LYN: variants seen among roughly 807,000 people sequenced by gnomAD.
The protein encoded by LYN is LYN proto-oncogene, Src family tyrosine kinase.
A neutral mutation model predicts 65.0 loss-of-function variants in LYN; 12 were observed. The observed-to-expected ratio is 0.18, with a 90% confidence interval of 0.12 to 0.30. The LOEUF (loss-of-function observed/expected upper bound fraction) is 0.30, where lower values mean the gene tolerates loss of function less well. Ranked by LOEUF, LYN falls within the 10% of genes least tolerant of loss-of-function variation. LYN has a pLI of 1.00. For missense variants in LYN, 380 were observed against 623.2 expected, an observed-to-expected ratio of 0.61 and a Z score of 4.16; for synonymous variants, 222 against 221.2, an observed-to-expected ratio of 1.00 and a Z score of -0.03.
At chr8:55,953,619 C>T in intron 7 of LYN, among the ~76,000 whole-genome samples, 1 of 151,936 alleles carries the variant, frequency 6.6e-6, no homozygotes. Context: ...TGCACTCCAG[C>T]CTGGGCAATA....
chr8:55,956,762 C>G (rs1279814614), intron 8 of LYN, among the ~76,000 whole-genome samples: 1 of 152,200 alleles, frequency 6.6e-6, no homozygotes, highest in Non-Finnish European at 1.5e-5. Flanking sequence ...GCGTTCTCTT[C>G]CCGGCTTCTC....
At chr8:55,950,912 A>C (rs1463518829) in intron 6 of LYN, 128 bp downstream of exon 6, 3 of 654,536 alleles carry the variant, frequency 4.6e-6, no homozygotes, top group Non-Finnish European at 8.0e-6. Context: ...TTATGGTTTG[A>C]TAACAAATAA....
chr8:55,955,110 C>T (rs1436287538), intron 8 of LYN: 4 of 152,178 alleles, frequency 2.6e-5, no homozygotes, highest in African/African-American at 7.2e-5. Context: ...TCTCCAGCCC[C>T]GGCAGAACAG....
rs1201155628 is a variant in LYN at position 55,946,433 on chromosome 8, A to G, written c.133-15A>G. The G allele has an allele frequency of 4.4e-6, 7 of 1,590,930 alleles. No individual in the cohort carries two copies. The highest frequency in any genetic ancestry group is 1.3e-5 in the African/African-American group (1 of 74,160). ...CTAAACAGAATTTTTTTTTCTAACAAATATTCTCTCGTAGGTTCCAGAATC... is the reference window on the plus strand; with the variant it reads ...CTAAACAGAATTTTTTTTTCTAACAGATATTCTCTCGTAGGTTCCAGAATC... On this transcript the variant is annotated splice_polypyrimidine_tract_variant and intron_variant, in intron 2 of 12. Coordinates refer to ENST00000519728, the MANE Select transcript of LYN (RefSeq NM_002350.4).
intron 1 of LYN, among the ~76,000 whole-genome samples, chr8:55,930,609 A>G (rs1806236898): frequency 6.6e-6 from 1 of 152,178 alleles, no homozygotes; most frequent in South Asian, 2.1e-4. Context: ...GTTAAGAGAA[A>G]CAAAACCAAA....
intron 10 of LYN, among the ~76,000 whole-genome samples, chr8:55,984,608 C>A (rs1406750057): frequency 6.6e-6 from 1 of 152,196 alleles, no homozygotes; most frequent in East Asian, 1.9e-4. Flanking sequence ...TCACTCTGAC[C>A]CAACTTGAAT....
At chr8:55,953,693 A>G (rs2130498122) in intron 7 of LYN, 139 bp from the exon 8 acceptor site, 4 of 627,312 alleles carry the variant, frequency 6.4e-6, no homozygotes, top group Non-Finnish European at 1.0e-5. Flanking sequence ...AAAAGTCACA[A>G]TTATGTCAAG....
At chr8:55,901,740 G>C (rs1463751554) in intron 1 of LYN, among the ~76,000 whole-genome samples, 1 of 152,232 alleles carries the variant, frequency 6.6e-6, no homozygotes, top group Non-Finnish European at 1.5e-5. Flanking sequence ...GACCACTTCA[G>C]ATATTTCCAA....
intron 1 of LYN, among the ~76,000 whole-genome samples, chr8:55,936,661 G>A (rs1806446047): frequency 6.6e-6 from 1 of 152,044 alleles, no homozygotes; most frequent in Admixed American, 6.6e-5. Context: ...AAACAAAAAA[G>A]AAGTGCAGCT....
intron 1 of LYN, among the ~76,000 whole-genome samples, chr8:55,905,305 C>T (rs898257821): frequency 1.3e-5 from 2 of 151,768 alleles, no homozygotes; most frequent in East Asian, 1.9e-4. Flanking sequence ...CCAGCTACTC[C>T]GGAGGCTGAG....
intron 1 of LYN, among the ~76,000 whole-genome samples, chr8:55,890,620 G>A (rs1511723): frequency 0.9 from 137,263 of 152,244 alleles, 61,926 homozygotes; most frequent in East Asian, 0.98. Flanking sequence ...TCTCAGAGAT[G>A]TTTGTACACT....
chr8:55,964,810 T>C (rs537227624), intron 8 of LYN, among the ~76,000 whole-genome samples: 85 of 152,360 alleles, frequency 5.6e-4, no homozygotes, highest in African/African-American at 2.0e-3. Flanking sequence ...CTCCAAATTC[T>C]ACCAGCCAGG....
intron 1 of LYN, among the ~76,000 whole-genome samples, chr8:55,925,903 T>A (rs777300791): frequency 2.0e-5 from 3 of 152,256 alleles, no homozygotes; most frequent in Non-Finnish European, 4.4e-5. Flanking sequence ...AGCATACAAG[T>A]GTTTATGTAA....
At chr8:55,948,760 T>C (rs970764454) in intron 4 of LYN, among the ~76,000 whole-genome samples, 1 of 152,240 alleles carries the variant, frequency 6.6e-6, no homozygotes, top group African/African-American at 2.4e-5. Context: ...GCCCTGCCAC[T>C]TGATAGCTGT....
chr8:55,891,348 G>T (rs1025774818), intron 1 of LYN, among the ~76,000 whole-genome samples: 8 of 149,474 alleles, frequency 5.4e-5, no homozygotes, highest in African/African-American at 2.0e-4. Context: ...GCGAAACTCC[G>T]GCTCAAAAAA....
At chr8:55,987,084 C>A (rs1306940337) in intron 10 of LYN, among the ~76,000 whole-genome samples, 1 of 152,036 alleles carries the variant, frequency 6.6e-6, no homozygotes, top group Non-Finnish European at 1.5e-5. Context: ...CCACTGCCAA[C>A]TTGGTGAGCA....
At chr8:55,887,679 G>A (rs757898869) in intron 1 of LYN, among the ~76,000 whole-genome samples, 2 of 147,786 alleles carry the variant, frequency 1.4e-5, no homozygotes, top group Non-Finnish European at 3.0e-5. Context: ...GTGTGATCTC[G>A]GCTCACTGCA....
At chr8:56,009,420 C>A (rs999746111) in intron 12 of LYN, among the ~76,000 whole-genome samples, 2 of 152,208 alleles carry the variant, frequency 1.3e-5, no homozygotes, top group Non-Finnish European at 2.9e-5. Context: ...CATAACAATA[C>A]AACACACTGG....
intron 11 of LYN, among the ~76,000 whole-genome samples, chr8:55,998,746 T>C (rs1369363542): frequency 1.3e-5 from 2 of 152,248 alleles, no homozygotes; most frequent in Non-Finnish European, 2.9e-5. Context: ...AATTAAGCAA[T>C]GCAAAACACA....
Sources: allele counts gnomAD v4.1 joint callset (sites outside exome capture counted in the v4.1 genomes callset), GRCh38; gene constraint gnomAD v4.1.1; transcripts MANE v1.5; gene names NCBI Gene and HGNC (gene_info 2026-07-23, HGNC 2026-07-21).